GASK1A: variants seen among roughly 807,000 people sequenced by gnomAD.
GASK1A encodes Golgi-associated kinase 1A.
A neutral mutation model predicts 41.2 loss-of-function variants in GASK1A; 40 were observed. That is an observed-to-expected ratio of 0.97 (90% CI 0.75 to 1.27). GASK1A has a LOEUF of 1.27. Among genes scored for constraint, GASK1A ranks in the 50% most tolerant of loss-of-function variants. GASK1A has a pLI of 0.00. For synonymous variants in GASK1A, 316 were observed against 307.1 expected (o/e 1.03, Z -0.30); for missense variants, 678 against 745.1 (o/e 0.91, Z 1.05).
At chr3:43,030,459 C>T (rs947205060) in intron 1 of GASK1A, among the ~76,000 whole-genome samples, 1 of 152,226 alleles carries the variant, frequency 6.6e-6, no homozygotes, top group Non-Finnish European at 1.5e-5. Context: ...CGAAGAGCCC[C>T]AGGCGGTGGC....
intron 1 of GASK1A, among the ~76,000 whole-genome samples, chr3:43,012,190 G>T (rs1295745479): frequency 6.6e-6 from 1 of 151,830 alleles, no homozygotes; most frequent in African/African-American, 2.4e-5. Flanking sequence ...GTCACAGGAA[G>T]AGGCTGTGGG....
intron 1 of GASK1A, among the ~76,000 whole-genome samples, chr3:43,026,815 AG>A (rs1056859991): frequency 1.6e-4 from 17 of 103,858 alleles, no homozygotes; most frequent in African/African-American, 3.9e-4. Flanking sequence ...TAAAGAAAAA[AG>A]TAAAATAAAG....
chr3:42,991,318 T>A (rs13080201), intron 1 of GASK1A, among the ~76,000 whole-genome samples: 1 of 152,002 alleles, frequency 6.6e-6, no homozygotes, highest in East Asian at 1.9e-4. Context: ...TCGGTCTTTT[T>A]CTTGCTGTTA....
chr3:43,016,349 A>C (rs1432277121), intron 1 of GASK1A, among the ~76,000 whole-genome samples: 2 of 151,822 alleles, frequency 1.3e-5, no homozygotes, highest in Non-Finnish European at 2.9e-5. Flanking sequence ...GTGAAGCCAC[A>C]GGCAGAGGCA....
intron 1 of GASK1A, among the ~76,000 whole-genome samples, chr3:42,987,417 G>A (rs1002164256): frequency 7.9e-5 from 12 of 152,020 alleles, no homozygotes; most frequent in Admixed American, 2.0e-4. Context: ...TGGCGTGCCT[G>A]GGCACCTAAC....
chr3:43,032,999 A>C lies in GASK1A; in HGVS notation c.736A>C (p.Thr246Pro). Residue 246 changes from threonine (T) to proline (P), a missense_variant, in exon 2 of 5, where the codon ACG (threonine) becomes CCG (proline). Thr to Pro is a conservative substitution (Grantham distance 38). Coordinates refer to ENST00000430121, the MANE Select transcript of GASK1A (RefSeq NM_001129908.3). ...AGGGTCAGTATGGTGTGATGCTGAG[A>C]CGCTGTTGAGCAGCTCGAGGACTGG... ...LQGSVWCDAE[T>P]LLSSSRTGGQ... 6.4e-7 allele frequency: 1 copy of C among 1,551,630 alleles called. No individual in the cohort carries two copies. The highest frequency in any genetic ancestry group is 1.7e-4 in the Middle Eastern group (1 of 5,990).
intron 1 of GASK1A, among the ~76,000 whole-genome samples, chr3:43,000,806 T>C (rs1051568585): frequency 1.3e-5 from 2 of 152,298 alleles, no homozygotes; most frequent in South Asian, 2.1e-4. Context: ...GACCATTTCA[T>C]TGTAGTTGTA....
chr3:43,011,748 G>C (rs1381138644), intron 1 of GASK1A, among the ~76,000 whole-genome samples: 2 of 151,916 alleles, frequency 1.3e-5, no homozygotes, highest in African/African-American at 4.8e-5. Flanking sequence ...GGAAGGAACT[G>C]TGTGAAGCCA....
At chr3:43,036,850 G>C (rs755514386) in intron 2 of GASK1A, among the ~76,000 whole-genome samples, 1 of 152,194 alleles carries the variant, frequency 6.6e-6, no homozygotes, top group Non-Finnish European at 1.5e-5. Flanking sequence ...CCCTGAGCTA[G>C]AGTGAGATCC....
chr3:43,031,582 C>A (rs1350609098), intron 1 of GASK1A, among the ~76,000 whole-genome samples: 2 of 152,236 alleles, frequency 1.3e-5, no homozygotes, highest in East Asian at 3.8e-4. Context: ...CCAAGGACTG[C>A]ATGTTGAGAA....
intron 2 of GASK1A, among the ~76,000 whole-genome samples, chr3:43,034,205 C>T (rs953774115): frequency 6.6e-6 from 1 of 152,050 alleles, no homozygotes; most frequent in Admixed American, 6.5e-5. Flanking sequence ...GTGGAGATAG[C>T]GATGGAGAGA....
At chr3:42,993,781 T>C (rs1430715707) in intron 1 of GASK1A, among the ~76,000 whole-genome samples, 3 of 152,228 alleles carry the variant, frequency 2.0e-5, no homozygotes, top group African/African-American at 7.2e-5. Flanking sequence ...GGCACTGTGC[T>C]GGGTGTTGGA....
chr3:43,055,495 G>A lies in GASK1A; in HGVS notation c.1477G>A (p.Glu493Lys). ...TAACGCTGGCAACCTTCAGCACCCT[G>A]AGGACAAGCTGAACTTTCGGCTGCT... is the stretch of plus-strand genomic sequence containing the variant. ...IDNAGNLQHP[E>K]DKLNFRLLEG... The change falls in exon 4 of 5, where the codon GAG becomes AAG. Residue 493 changes from glutamate (E) to lysine (K), a missense_variant. By Grantham distance (56) the Glu-to-Lys change is moderately conservative (BLOSUM62 1). Coordinates refer to ENST00000430121, the MANE Select transcript of GASK1A (RefSeq NM_001129908.3). 1 of 1,552,056 alleles carries A rather than the reference G, an allele frequency of 6.4e-7. No individual in the cohort carries two copies.
chr3:42,990,303 T>A (rs1192918250), intron 1 of GASK1A, among the ~76,000 whole-genome samples: 1 of 149,514 alleles, frequency 6.7e-6, no homozygotes, highest in Non-Finnish European at 1.5e-5. Flanking sequence ...TGAGCTATGA[T>A]CATGTCACTG....
At chr3:43,029,867 C>T (rs940619230) in intron 1 of GASK1A, among the ~76,000 whole-genome samples, 1 of 152,198 alleles carries the variant, frequency 6.6e-6, no homozygotes, top group African/African-American at 2.4e-5. Flanking sequence ...CCTGCAGAAA[C>T]TGCCACTGAC....
chr3:43,035,292 A>T (rs911174622), intron 2 of GASK1A, among the ~76,000 whole-genome samples: 2 of 152,158 alleles, frequency 1.3e-5, no homozygotes, highest in Non-Finnish European at 1.5e-5. Flanking sequence ...GCTGCACTGG[A>T]AGTGCTGGGG....
chr3:42,987,707 G>A (rs62249013), intron 1 of GASK1A, among the ~76,000 whole-genome samples: 21,550 of 152,034 alleles, frequency 0.14, 1,719 homozygotes, highest in Non-Finnish European at 0.18. Context: ...ACAAGAGTAG[G>A]ATAGAGAGAG....
chr3:43,029,588 C>G (rs2089564686), intron 1 of GASK1A, among the ~76,000 whole-genome samples: 1 of 151,874 alleles, frequency 6.6e-6, no homozygotes. Flanking sequence ...GAGTGGGATC[C>G]ACACACTGGC....
chr3:43,011,187 T>G (rs779632415), intron 1 of GASK1A, among the ~76,000 whole-genome samples: 15 of 151,970 alleles, frequency 9.9e-5, no homozygotes, highest in Non-Finnish European at 2.1e-4. Context: ...ATCAAGATCA[T>G]CCTGGCCAAC....
Sources: gnomAD v4.1 joint callset for allele counts (sites outside exome capture counted in the v4.1 genomes callset) on GRCh38, gnomAD v4.1.1 for gene constraint, MANE v1.5 for transcripts, NCBI Gene and HGNC (gene_info 2026-07-23, HGNC 2026-07-21) for gene names.